Variants in JADE1 observed in about 807,000 individuals in gnomAD.
The protein encoded by JADE1 is jade family PHD finger 1, also known as protein Jade-1.
In JADE1, 14 loss-of-function variants were observed where a neutral mutation model predicts 81.8. The ratio of observed to expected loss-of-function variants is 0.17; its 90% CI spans 0.11 to 0.27. The LOEUF is 0.27. Ranked by LOEUF, JADE1 falls within the 10% of genes least tolerant of loss-of-function variation. The pLI is 1.00. For synonymous variants in JADE1, 353 were observed against 391.9 expected, an observed-to-expected ratio of 0.90 and a Z score of 1.17; for missense variants, 690 against 1,047.9, an observed-to-expected ratio of 0.66 and a Z score of 4.71.
Position 128,861,715 on chromosome 4 carries a change from G to T in JADE1, c.993G>T (p.Lys331Asn), listed in dbSNP as rs1731348584. 1 of 1,613,980 alleles carries T rather than the reference G, an allele frequency of 6.2e-7. No homozygotes were observed. The highest frequency in any genetic ancestry group is 1.3e-5 in the African/African-American group (1 of 74,946). Reference protein sequence around the residue: ...KFGASIQCSVKNCRTAFHVTC... With the variant: ...KFGASIQCSVNNCRTAFHVTC... ...TGTGTTCTTGACAGTGCTCTGTGAA[G>T]AACTGCCGCACAGCCTTCCATGTGA... is the stretch of plus-strand genomic sequence containing the variant. Residue 331 changes from lysine to asparagine, a missense_variant, in exon 9 of 11, where the codon AAG becomes AAT. By Grantham distance (94) the Lys-to-Asn change is moderately conservative. Around this residue, in one of 8 missense-constraint regions of JADE1, gnomAD observed 84 missense variants for 226.6 expected, o/e 0.37. Transcript: ENST00000226319.
chr4:128,867,568 G>C (rs1399661569), intron 9 of JADE1, among the ~76,000 whole-genome samples: 1 of 152,246 alleles, frequency 6.6e-6, no homozygotes, highest in African/African-American at 2.4e-5. Context: ...AGGTGTGATG[G>C]AGGAGGCAGG....
At chr4:128,826,709 T>C (rs1728109613) in intron 1 of JADE1, among the ~76,000 whole-genome samples, 1 of 152,168 alleles carries the variant, frequency 6.6e-6, no homozygotes, top group African/African-American at 2.4e-5. Flanking sequence ...CCCTATGTTA[T>C]GTTTATTTCA....
In JADE1 at chr4:128,848,924, C is replaced by A. The variant is rs114902312; in HGVS notation, c.297-56C>A. Reference sequence around the variant, plus strand: ...AAGACATTTGGGGCCTTGTGGCACACTTCATTGTCTGTGGCTGAAAGGGTA... The same window carrying A: ...AAGACATTTGGGGCCTTGTGGCACAATTCATTGTCTGTGGCTGAAAGGGTA... On this transcript the variant is annotated intron_variant, in intron 4 of 10. Transcript: ENST00000226319. 1.9e-3 allele frequency: 2,939 copies of A among 1,580,814 alleles called. 10 individuals carry two copies. Among genetic ancestry groups the A allele is most frequent in the Non-Finnish European group, 2.3e-3 (2,666 of 1,153,768 alleles).
At chr4:128,866,892 G>A (rs528275490) in intron 9 of JADE1, among the ~76,000 whole-genome samples, 6 of 152,344 alleles carry the variant, frequency 3.9e-5, no homozygotes, top group East Asian at 1.9e-4. Flanking sequence ...TTGCAGGTCC[G>A]TGTAATCTAA....
intron 2 of JADE1, among the ~76,000 whole-genome samples, chr4:128,837,977 T>C (rs1729118649): frequency 6.6e-6 from 1 of 152,240 alleles, no homozygotes; most frequent in Admixed American, 6.5e-5. Context: ...CTACCAAATG[T>C]GGAAGGTGTG....
intron 1 of JADE1, among the ~76,000 whole-genome samples, chr4:128,811,629 CG>C (rs1726385398): frequency 3.2e-5 from 1 of 31,456 alleles, no homozygotes. Flanking sequence ...CTGCGCCGCC[CG>C]GGCCGGGGTG....
intron 2 of JADE1, among the ~76,000 whole-genome samples, chr4:128,836,670 A>T (rs6534704): frequency 0.95 from 143,894 of 151,944 alleles, 68,226 homozygotes; most frequent in East Asian, 1. Context: ...ACATCAAGTA[A>T]CCTTGTTTTT....
intron 1 of JADE1, among the ~76,000 whole-genome samples, chr4:128,814,651 T>C (rs1726830801): frequency 6.7e-6 from 1 of 150,196 alleles, no homozygotes; most frequent in Non-Finnish European, 1.5e-5. Flanking sequence ...AACCTATGCC[T>C]CCCAGGTTCA....
intron 1 of JADE1, among the ~76,000 whole-genome samples, chr4:128,826,310 G>A (rs1728058351): frequency 6.6e-6 from 1 of 152,078 alleles, no homozygotes; most frequent in African/African-American, 2.4e-5. Context: ...CGTACTGCAA[G>A]GTCCCATTGC....
At chr4:128,855,136 T>C (rs1189604646) in intron 6 of JADE1, among the ~76,000 whole-genome samples, 1 of 152,128 alleles carries the variant, frequency 6.6e-6, no homozygotes, top group Non-Finnish European at 1.5e-5. Flanking sequence ...TTCAGCAGCT[T>C]TGGGAGATTC....
chr4:128,867,495 T>G (rs1731868456), intron 9 of JADE1, among the ~76,000 whole-genome samples: 1 of 152,224 alleles, frequency 6.6e-6, no homozygotes, highest in Admixed American at 6.5e-5. Context: ...ATTAGCAAAG[T>G]CGACTGGCAA....
At chr4:128,866,107 A>G (rs1333527830) in intron 9 of JADE1, among the ~76,000 whole-genome samples, 1 of 152,212 alleles carries the variant, frequency 6.6e-6, no homozygotes, top group Non-Finnish European at 1.5e-5. Flanking sequence ...GGAGGATGTT[A>G]GCCACTTCCA....
intron 1 of JADE1, among the ~76,000 whole-genome samples, chr4:128,813,511 T>C (rs1237523572): frequency 4.8e-5 from 7 of 147,360 alleles, no homozygotes; most frequent in South Asian, 2.3e-4. Flanking sequence ...CTCCGCCTCC[T>C]GGGTTCAAGC....
At chr4:128,825,334 C>T (rs1456761961) in intron 1 of JADE1, among the ~76,000 whole-genome samples, 2 of 152,210 alleles carry the variant, frequency 1.3e-5, no homozygotes, top group Non-Finnish European at 2.9e-5. Flanking sequence ...GCCACTGTGC[C>T]CAGCCCTCTT....
At chr4:128,854,047 T>A (rs538436862) in intron 6 of JADE1, among the ~76,000 whole-genome samples, 1 of 152,372 alleles carries the variant, frequency 6.6e-6, no homozygotes, top group East Asian at 1.9e-4. Flanking sequence ...TTTACTTGGC[T>A]GACTTCTCAG....
intron 1 of JADE1, chr4:128,811,243 C>T (rs902728344): frequency 6.6e-6 from 1 of 152,404 alleles, no homozygotes; most frequent in African/African-American, 2.4e-5. Context: ...CCCGCTCCCC[C>T]CCGCCCGCCT....
At chr4:128,838,507 T>C (rs550887797) in intron 2 of JADE1, among the ~76,000 whole-genome samples, 2 of 152,212 alleles carry the variant, frequency 1.3e-5, no homozygotes, top group South Asian at 4.1e-4. Context: ...TCATTAAATA[T>C]CAGCACTCTG....
chr4:128,853,393 C>T (rs1730532487), intron 6 of JADE1, among the ~76,000 whole-genome samples: 1 of 152,174 alleles, frequency 6.6e-6, no homozygotes, highest in Non-Finnish European at 1.5e-5. Flanking sequence ...ATAAGCTGAG[C>T]TGTTAGAGGA....
chr4:128,832,627 T>A (rs971356718), intron 2 of JADE1, among the ~76,000 whole-genome samples: 1 of 152,188 alleles, frequency 6.6e-6, no homozygotes. Flanking sequence ...GTGAAAGTCA[T>A]CAGGGCAGTA....
Sources: allele counts gnomAD v4.1 joint callset (sites outside exome capture counted in the v4.1 genomes callset), GRCh38; gene constraint gnomAD v4.1.1; regional missense constraint gnomAD v4.1.1; transcripts MANE v1.5; gene names NCBI Gene and HGNC (gene_info 2026-07-23, HGNC 2026-07-21).